ASCC1: variants seen among roughly 807,000 people sequenced by gnomAD.
The protein encoded by ASCC1 is ASC-1 complex subunit P50.
In ASCC1, 35 loss-of-function variants were observed where a neutral mutation model predicts 46.6. That is an observed-to-expected ratio of 0.75 (90% confidence interval 0.57 to 0.99). The LOEUF (loss-of-function observed/expected upper bound fraction) is 0.99, where lower values mean the gene tolerates loss of function less well. Ranked by LOEUF, ASCC1 falls within the 50% of genes least tolerant of loss-of-function variation. The probability of loss-of-function intolerance (pLI) is 0.00; values close to 1 mark genes in which losing one functional copy is unlikely to be tolerated. For missense variants in ASCC1, 376 were observed against 428.7 expected, an observed-to-expected ratio of 0.88 and a Z score of 1.09; for synonymous variants, 143 against 146.6, an observed-to-expected ratio of 0.98 and a Z score of 0.18.
chr10:72,213,571 C>A (rs551942796), intron 1 of ASCC1, among the ~76,000 whole-genome samples: 13 of 150,538 alleles, frequency 8.6e-5, no homozygotes, highest in African/African-American at 3.2e-4. Context: ...ATCACCCCCC[C>A]CCCAAAAATG....
At chr10:72,123,815 G>T (rs1166641838) in intron 9 of ASCC1, among the ~76,000 whole-genome samples, 1 of 152,104 alleles carries the variant, frequency 6.6e-6, no homozygotes, top group East Asian at 1.9e-4. Context: ...GAGTCTCCCG[G>T]GAGGAGCATG....
At chr10:72,169,993 G>A (rs1400163343) in intron 5 of ASCC1, among the ~76,000 whole-genome samples, 1 of 152,128 alleles carries the variant, frequency 6.6e-6, no homozygotes, top group Non-Finnish European at 1.5e-5. Context: ...GGTATCACGT[G>A]CCTGTAATCC....
intron 3 of ASCC1, among the ~76,000 whole-genome samples, chr10:72,207,889 G>A (rs917336743): frequency 6.6e-6 from 1 of 151,238 alleles, no homozygotes; most frequent in Non-Finnish European, 1.5e-5. Flanking sequence ...ATAGCTCACT[G>A]TAACCTTGAA....
chr10:72,209,502 G>C (rs1174027554), intron 3 of ASCC1, among the ~76,000 whole-genome samples: 1 of 152,054 alleles, frequency 6.6e-6, no homozygotes, highest in Non-Finnish European at 1.5e-5. Flanking sequence ...AATAAAAATA[G>C]GCTGGGTGCA....
In ASCC1 at chr10:72,182,717, T is replaced by C. The variant is rs545915517; in HGVS notation, c.489+14094A>G. On this transcript the variant is annotated intron_variant, in intron 5 of 9. Coordinates refer to ENST00000672957, the MANE Select transcript of ASCC1 (RefSeq NM_001198800.3). ...TAAGCTGGGTATGGTGGCTCACATC[T>C]ATAATTCCAACATTTTGGGAGGCTG... Among the ~76,000 whole-genome samples, 4 of 151,952 alleles carry C rather than the reference T, an allele frequency of 2.6e-5. No individual in the cohort carries two copies. The East Asian group carries it at 7.7e-4, about 29-fold the overall frequency.
At chr10:72,195,728 G>A (rs1472990313) in intron 5 of ASCC1, among the ~76,000 whole-genome samples, 1 of 151,766 alleles carries the variant, frequency 6.6e-6, no homozygotes, top group Non-Finnish European at 1.5e-5. Flanking sequence ...TAGCTACTCA[G>A]GAGGCTGAGA....
intron 5 of ASCC1, among the ~76,000 whole-genome samples, chr10:72,174,163 C>A (rs907060196): frequency 2.0e-5 from 3 of 152,196 alleles, no homozygotes; most frequent in African/African-American, 7.2e-5. Flanking sequence ...AAGGTCATGT[C>A]CTGACTCATC....
chr10:72,138,600 CTT>C lies in ASCC1; in HGVS notation c.747-5421_747-5420del, dbSNP rs1011535460. Among the ~76,000 whole-genome samples, 588 of 104,524 alleles carry C rather than the reference CTT, an allele frequency of 5.6e-3. 1 individual carries two copies. The highest frequency in any genetic ancestry group is 0.024 in the African/African-American group (559 of 23,022). 68.6% of individuals were successfully genotyped at this position (104,524 alleles called of 152,430 possible). A position where few individuals can be genotyped will look rare whatever the true frequency, so the allele number is the denominator to read the frequency against. Reference sequence around the variant, plus strand: ...CTGTTTCCTTTTTCTTTCTTTCTTTCTTTTTTTTTTTTTTTTTTTTTTTGAGA... The same window carrying C: ...CTGTTTCCTTTTTCTTTCTTTCTTTCTTTTTTTTTTTTTTTTTTTTTGAGA... On this transcript the variant is annotated intron_variant, in intron 7 of 9. Coordinates refer to ENST00000672957, the MANE Select transcript of ASCC1 (RefSeq NM_001198800.3).
At chr10:72,149,862 G>C (rs1318316787) in intron 7 of ASCC1, among the ~76,000 whole-genome samples, 1 of 152,122 alleles carries the variant, frequency 6.6e-6, no homozygotes, top group Non-Finnish European at 1.5e-5. Context: ...TTAGTATGCT[G>C]TTTAGGCACA....
intron 9 of ASCC1, among the ~76,000 whole-genome samples, chr10:72,098,443 C>G (rs935794862): frequency 6.6e-6 from 1 of 152,222 alleles, no homozygotes; most frequent in African/African-American, 2.4e-5. Context: ...CAATCATGGC[C>G]TCAACTCCTA....
intron 5 of ASCC1, chr10:72,190,637 A>G (rs1454226726): frequency 2.5e-6 from 2 of 807,156 alleles, no homozygotes; most frequent in Non-Finnish European, 3.8e-6. Flanking sequence ...ATGTGTGCTT[A>G]CAGGTGTTAT....
At chr10:72,117,818 G>A (rs1393994287) in intron 9 of ASCC1, among the ~76,000 whole-genome samples, 1 of 152,124 alleles carries the variant, frequency 6.6e-6, no homozygotes, top group Non-Finnish European at 1.5e-5. Context: ...TAAAAGCCTG[G>A]AGAAGAAGTG....
intron 5 of ASCC1, among the ~76,000 whole-genome samples, chr10:72,194,071 A>G (rs929657976): frequency 1.3e-5 from 2 of 151,038 alleles, no homozygotes; most frequent in Non-Finnish European, 2.9e-5. Context: ...CTCAATCTAG[A>G]GACGGGGTTT....
chr10:72,126,411 G>T (rs1380322796), intron 9 of ASCC1, among the ~76,000 whole-genome samples: 2 of 152,196 alleles, frequency 1.3e-5, no homozygotes, highest in African/African-American at 4.8e-5. Context: ...CATCACTGGG[G>T]TGGTTCAGAA....
intron 5 of ASCC1, among the ~76,000 whole-genome samples, chr10:72,192,705 G>C (rs1378787701): frequency 6.6e-6 from 1 of 152,052 alleles, no homozygotes; most frequent in East Asian, 1.9e-4. Flanking sequence ...TGTTGGCAAG[G>C]CTCGTCTCAA....
chr10:72,144,103 A>C (rs1288204754), intron 7 of ASCC1, among the ~76,000 whole-genome samples: 1 of 151,754 alleles, frequency 6.6e-6, no homozygotes, highest in Non-Finnish European at 1.5e-5. Flanking sequence ...CAGCCTCCCA[A>C]GTAGCTGGGA....
At chr10:72,178,807 GATATTTCAAC>G in intron 5 of ASCC1, among the ~76,000 whole-genome samples, 1 of 152,040 alleles carries the variant, frequency 6.6e-6, no homozygotes, top group Non-Finnish European at 1.5e-5. Flanking sequence ...ACTATAACCT[GATATTTCAAC>G]AGAATCTTTC....
At chr10:72,172,810 T>C (rs1285691046) in intron 5 of ASCC1, among the ~76,000 whole-genome samples, 1 of 134,502 alleles carries the variant, frequency 7.4e-6, no homozygotes, top group Admixed American at 8.5e-5. Context: ...TATTTTTATA[T>C]TATATATAAT....
chr10:72,183,203 A>G (rs1852913164), intron 5 of ASCC1, among the ~76,000 whole-genome samples: 1 of 151,852 alleles, frequency 6.6e-6, no homozygotes, highest in African/African-American at 2.4e-5. Context: ...GCCACCATAC[A>G]GGGCTAATTT....
Sources: gnomAD v4.1 joint callset for allele counts (sites outside exome capture counted in the v4.1 genomes callset) on GRCh38, gnomAD v4.1.1 for gene constraint, MANE v1.5 for transcripts, NCBI Gene and HGNC (gene_info 2026-07-23, HGNC 2026-07-21) for gene names.